The following BRAF variants were observed in gnomAD, a reference collection of about 807,000 sequenced individuals.
BRAF encodes serine/threonine-protein kinase B-raf.
BRAF carries 16 observed loss-of-function variants against 104.6 expected under a neutral mutation model. The ratio of observed to expected loss-of-function variants is 0.15; its 90% CI spans 0.10 to 0.23. BRAF has a LOEUF of 0.23. Among genes scored for constraint, BRAF ranks in the 10% least tolerant of loss-of-function variants. BRAF has a pLI of 1.00. For missense variants in BRAF, 541 were observed against 937.3 expected (o/e 0.58, Z 5.52); for synonymous variants, 310 against 341.6 (o/e 0.91, Z 1.02).
intron 3 of BRAF, among the ~76,000 whole-genome samples, chr7:140,826,993 C>T (rs73165470): frequency 6.6e-6 from 1 of 152,164 alleles, no homozygotes; most frequent in African/African-American, 2.4e-5. Flanking sequence ...ATTAACTTAT[C>T]AAGGAGTCTA....
At chr7:140,897,369 A>G (rs1815055674) in intron 1 of BRAF, among the ~76,000 whole-genome samples, 1 of 152,148 alleles carries the variant, frequency 6.6e-6, no homozygotes, top group Admixed American at 6.5e-5. Flanking sequence ...ATCCCCCAAG[A>G]CATCTTCATA....
chr7:140,846,239 A>G (rs1027735289), intron 2 of BRAF, among the ~76,000 whole-genome samples: 4 of 152,216 alleles, frequency 2.6e-5, no homozygotes, highest in Admixed American at 6.5e-5. Context: ...CAAAACGTAG[A>G]AGCAACCCAA....
intron 1 of BRAF, among the ~76,000 whole-genome samples, chr7:140,908,539 T>C (rs1207241382): frequency 6.6e-6 from 1 of 152,178 alleles, no homozygotes; most frequent in African/African-American, 2.4e-5. Context: ...TCATTTATCA[T>C]GGAGGGTCCC....
chr7:140,864,222 T>G (rs1240016003), intron 1 of BRAF, among the ~76,000 whole-genome samples: 1 of 152,132 alleles, frequency 6.6e-6, no homozygotes, highest in East Asian at 1.9e-4. Context: ...GAAGACTAGT[T>G]GAAACTATGG....
chr7:140,752,751 A>G (rs1459750139), intron 16 of BRAF, among the ~76,000 whole-genome samples: 1 of 152,196 alleles, frequency 6.6e-6, no homozygotes, highest in Admixed American at 6.5e-5. Context: ...TAACTTTCCA[A>G]TTTAGGCTTA....
chr7:140,734,311 A>C (rs1796203080), intron 19 of BRAF: 1 of 1,252,032 alleles, frequency 8.0e-7, no homozygotes, highest in Non-Finnish European at 1.0e-6. Context: ...TACTTAAAAT[A>C]ACCAAGTGAA....
At chr7:140,783,298 C>A (rs2129026708) in intron 10 of BRAF, 141 bp from the exon 10 acceptor site, 2 of 1,007,230 alleles carry the variant, frequency 2.0e-6, no homozygotes, top group Non-Finnish European at 2.8e-6. Flanking sequence ...AAAGGATGGG[C>A]CAAAAAGGGG....
Position 140,723,872 on chromosome 7 carries a change from G to A in BRAF, c.*2622C>T, listed in dbSNP as rs1177686994. The A allele has an allele frequency of 2.9e-6, 3 of 1,046,364 alleles. No individual in the cohort carries two copies. The highest frequency in any genetic ancestry group is 4.3e-4 in the Middle Eastern group (1 of 2,308). The allele number at this position is 1,046,364 out of a possible 1,614,324, so 64.8% of individuals were successfully genotyped here. On this transcript the variant is annotated 3_prime_UTR_variant, in exon 20 of 20. Coordinates refer to ENST00000644969, the MANE Select transcript of BRAF (RefSeq NM_001374258.1). ...TCTTCCTCGTTTTTTTAGGAGCTCA[G>A]TAAGTCTAACTGTTGTCTAAGCATC...
chr7:140,866,328 A>G (rs889742248), intron 1 of BRAF, among the ~76,000 whole-genome samples: 1 of 152,192 alleles, frequency 6.6e-6, no homozygotes, highest in Non-Finnish European at 1.5e-5. Flanking sequence ...TCAGTTCTCC[A>G]AAACCCTGGG....
At chr7:140,815,182 G>T (rs1804734501) in intron 3 of BRAF, among the ~76,000 whole-genome samples, 4 of 149,882 alleles carry the variant, frequency 2.7e-5, no homozygotes, top group Admixed American at 2.0e-4. Context: ...CTGTCGCCCA[G>T]GCTGCAGTGC....
At chr7:140,780,610 T>A (rs1002836809) in intron 12 of BRAF, 4 of 152,188 alleles carry the variant, frequency 2.6e-5, no homozygotes, top group Admixed American at 2.6e-4. Context: ...ATCTTACACA[T>A]ACTGCTTTGA....
chr7:140,910,741 CAT>C (rs1816875759), intron 1 of BRAF, among the ~76,000 whole-genome samples: 1 of 152,082 alleles, frequency 6.6e-6, no homozygotes, highest in African/African-American at 2.4e-5. Context: ...GTGGTGTGAT[CAT>C]AGCTCACTGC....
intron 3 of BRAF, among the ~76,000 whole-genome samples, chr7:140,823,147 C>T (rs1805661094): frequency 1.3e-5 from 2 of 152,174 alleles, no homozygotes; most frequent in South Asian, 2.1e-4. Context: ...AACTACCATA[C>T]TATTATTTCA....
At chr7:140,854,384 T>TGA (rs1386062021) in intron 1 of BRAF, among the ~76,000 whole-genome samples, 1 of 152,200 alleles carries the variant, frequency 6.6e-6, no homozygotes, top group Non-Finnish European at 1.5e-5. Flanking sequence ...CAATTAAAGC[T>TGA]GAAGATTTAA....
chr7:140,850,043 T>C (rs559005940), intron 2 of BRAF, 68 bp downstream of exon 2: 3 of 1,155,372 alleles, frequency 2.6e-6, no homozygotes, highest in East Asian at 2.3e-5. Flanking sequence ...AGATTATCAG[T>C]ACAAATGTTT....
chr7:140,774,545 T>C (rs1181659408), intron 14 of BRAF, among the ~76,000 whole-genome samples: 1 of 152,168 alleles, frequency 6.6e-6, no homozygotes, highest in Non-Finnish European at 1.5e-5. Context: ...TGGGACAGGG[T>C]CTCGCTCTGT....
At chr7:140,736,697 G>A (rs1796471613) in intron 18 of BRAF, among the ~76,000 whole-genome samples, 1 of 151,380 alleles carries the variant, frequency 6.6e-6, no homozygotes, top group Admixed American at 6.6e-5. Flanking sequence ...AAAGTGCTGG[G>A]ATTACAGGCG....
intron 2 of BRAF, among the ~76,000 whole-genome samples, chr7:140,840,840 G>A (rs1033470874): frequency 3.3e-5 from 5 of 151,244 alleles, no homozygotes; most frequent in African/African-American, 9.7e-5. Context: ...TCAGCCTCCC[G>A]GGCAGGTGGG....
rs577877399 is a variant in BRAF, at chr7:140,912,991, T to C, written c.138+11575A>G. 9.7e-4 allele frequency among the ~76,000 whole-genome samples: 148 copies of C among 152,368 alleles called. 4 individuals carry two copies. The South Asian group carries it at 0.03, about 30-fold the overall frequency. ...GCAACTTTGGCCTCCTGCTGTTTCT[T>C]AAATAGGCAAGGCACATTCCCGACA... On this transcript the variant is annotated intron_variant, in intron 1 of 19. Transcript: ENST00000644969.
Sources: gnomAD v4.1 joint callset for allele counts (sites outside exome capture counted in the v4.1 genomes callset) on GRCh38, gnomAD v4.1.1 for gene constraint, MANE v1.5 for transcripts, NCBI Gene and HGNC (gene_info 2026-07-23, HGNC 2026-07-21) for gene names.